CRIM1: variants seen among roughly 807,000 people sequenced by gnomAD.
CRIM1 encodes cysteine rich transmembrane BMP regulator 1, also known as cysteine-rich motor neuron 1 protein.
CRIM1 carries 32 observed loss-of-function variants against 116.4 expected under a neutral mutation model. The observed-to-expected ratio is 0.27, with a 90% confidence interval of 0.21 to 0.37. CRIM1 has a LOEUF of 0.37. CRIM1 is among the 10% of genes least tolerant of loss of function. The pLI is 1.00. For synonymous variants in CRIM1, 590 were observed against 509.2 expected (o/e 1.16, Z -2.13); for missense variants, 1,331 against 1,354.8 (o/e 0.98, Z 0.28).
intron 13 of CRIM1, among the ~76,000 whole-genome samples, chr2:36,534,266 AGGAT>A (rs1666340982): frequency 8.3e-6 from 1 of 120,502 alleles, no homozygotes; most frequent in African/African-American, 3.3e-5. Flanking sequence ...GAGGAAAGAA[AGGAT>A]GGAGGGGACA....
At chr2:36,471,759 ACC>A (rs879833334) in intron 5 of CRIM1, among the ~76,000 whole-genome samples, 4,736 of 125,394 alleles carry the variant, frequency 0.038, 392 homozygotes, top group Admixed American at 0.2. Context: ...ACACACACAC[ACC>A]ATCTTACAAT....
At chr2:36,412,016 C>T (rs2148416999) in intron 2 of CRIM1, among the ~76,000 whole-genome samples, 1 of 152,122 alleles carries the variant, frequency 6.6e-6, no homozygotes, top group African/African-American at 2.4e-5. Context: ...TGAAGCTGAC[C>T]CTATTGAATT....
intron 2 of CRIM1, among the ~76,000 whole-genome samples, chr2:36,436,175 T>C (rs1398868867): frequency 6.6e-6 from 1 of 151,984 alleles, no homozygotes; most frequent in Non-Finnish European, 1.5e-5. Flanking sequence ...TAAAATCTGA[T>C]GGGAGAATTT....
chr2:36,479,368 G>A (rs711250), intron 6 of CRIM1, 129 bp from the exon 7 acceptor site: 2 of 829,312 alleles, frequency 2.4e-6, no homozygotes, highest in Non-Finnish European at 1.9e-6. Flanking sequence ...GCAACCCTGC[G>A]CTTCTGTTGA....
At chr2:36,514,892 A>G (rs1022482940) in intron 11 of CRIM1, among the ~76,000 whole-genome samples, 1 of 152,174 alleles carries the variant, frequency 6.6e-6, no homozygotes, top group Non-Finnish European at 1.5e-5. Flanking sequence ...CAGCTCCCAT[A>G]CCTTGTAGAA....
At chr2:36,404,069 A>C (rs1469894262) in intron 2 of CRIM1, among the ~76,000 whole-genome samples, 1 of 152,138 alleles carries the variant, frequency 6.6e-6, no homozygotes, top group Non-Finnish European at 1.5e-5. Context: ...ACACACCAAG[A>C]GTGATACCAA....
chr2:36,404,593 C>T (rs1672651998), intron 2 of CRIM1, among the ~76,000 whole-genome samples: 1 of 152,218 alleles, frequency 6.6e-6, no homozygotes, highest in Non-Finnish European at 1.5e-5. Flanking sequence ...CACTACACCT[C>T]AGATTCACTA....
At chr2:36,362,198 A>T (rs1669269019) in intron 1 of CRIM1, among the ~76,000 whole-genome samples, 1 of 148,584 alleles carries the variant, frequency 6.7e-6, no homozygotes, top group Non-Finnish European at 1.5e-5. Context: ...AGCCAAGTAG[A>T]AGTGATTTTG....
chr2:36,408,318 CGT>C (rs913945671), intron 2 of CRIM1, among the ~76,000 whole-genome samples: 10 of 152,180 alleles, frequency 6.6e-5, no homozygotes, highest in African/African-American at 2.2e-4. Flanking sequence ...CACTCCTGCG[CGT>C]GTTTGTGGTT....
chr2:36,377,066 C>T (rs1287730011), intron 1 of CRIM1, among the ~76,000 whole-genome samples: 1 of 152,172 alleles, frequency 6.6e-6, no homozygotes, highest in Non-Finnish European at 1.5e-5. Context: ...CATGTGGGTT[C>T]CGGAAGGCCC....
chr2:36,510,123 T>C lies in CRIM1; in HGVS notation c.1642T>C (p.Cys548Arg). The C allele has an allele frequency of 6.2e-7, 1 of 1,613,542 alleles. No individual in the cohort carries two copies. Among genetic ancestry groups the C allele is most frequent in the Non-Finnish European group, 8.5e-7 (1 of 1,179,844 alleles). ...CAGACCCATAATCTGTGACAAGTATTGTCCACTTGGATTGCTGTACGTATT... is the reference window on the plus strand; with the variant it reads ...CAGACCCATAATCTGTGACAAGTATCGTCCACTTGGATTGCTGTACGTATT... ...KCRPIICDKY[C>R]PLGLLKNKHG... Residue 548 changes from cysteine (C) to arginine (R), a missense_variant, in exon 9 of 17, where the codon TGT becomes CGT. By Grantham distance (180) the Cys-to-Arg change is radical. Coordinates refer to ENST00000280527, the MANE Select transcript of CRIM1 (RefSeq NM_016441.3).
intron 5 of CRIM1, among the ~76,000 whole-genome samples, chr2:36,472,154 T>A (rs889940361): frequency 6.6e-6 from 1 of 152,210 alleles, no homozygotes; most frequent in Non-Finnish European, 1.5e-5. Context: ...GTGCTTCATA[T>A]TGAGAAGTAC....
intron 4 of CRIM1, among the ~76,000 whole-genome samples, chr2:36,461,709 T>C (rs1047080203): frequency 1.3e-5 from 2 of 152,176 alleles, no homozygotes; most frequent in Non-Finnish European, 2.9e-5. Flanking sequence ...TGGGCAAATA[T>C]GGGTCATGAT....
At chr2:36,367,014 C>T (rs1325764090) in intron 1 of CRIM1, among the ~76,000 whole-genome samples, 2 of 152,098 alleles carry the variant, frequency 1.3e-5, no homozygotes, top group African/African-American at 4.8e-5. Flanking sequence ...ATGCAGATCT[C>T]GAAAACCTTT....
intron 7 of CRIM1, among the ~76,000 whole-genome samples, chr2:36,490,120 A>G (rs1182689956): frequency 6.6e-6 from 1 of 152,218 alleles, no homozygotes; most frequent in East Asian, 1.9e-4. Context: ...ACCAATTGCC[A>G]TACTATTTAT....
At chr2:36,382,581 T>C (rs999369738) in intron 1 of CRIM1, among the ~76,000 whole-genome samples, 5 of 152,230 alleles carry the variant, frequency 3.3e-5, no homozygotes. Context: ...GTCGTGGTTA[T>C]GGCACTAATT....
chr2:36,481,785 T>A (rs577944793), intron 7 of CRIM1, among the ~76,000 whole-genome samples: 1 of 152,230 alleles, frequency 6.6e-6, no homozygotes, highest in Non-Finnish European at 1.5e-5. Context: ...CAGATTCGGC[T>A]CCATTTGTGC....
chr2:36,464,782 C>T, intron 5 of CRIM1, 127 bp downstream of exon 5: 2 of 1,118,766 alleles, frequency 1.8e-6, no homozygotes, highest in Non-Finnish European at 1.3e-6. Context: ...CTGAAGGGCA[C>T]TCAAAAAGGT....
chr2:36,497,966 C>T (rs1680718364), intron 7 of CRIM1, among the ~76,000 whole-genome samples: 1 of 152,168 alleles, frequency 6.6e-6, no homozygotes, highest in South Asian at 2.1e-4. Context: ...CTGTTCTGTT[C>T]TATTCCCAGC....
Sources: allele counts gnomAD v4.1 joint callset (sites outside exome capture counted in the v4.1 genomes callset), GRCh38; gene constraint gnomAD v4.1.1; transcripts MANE v1.5; gene names NCBI Gene and HGNC (gene_info 2026-07-23, HGNC 2026-07-21).